Variants in SH3RF3 observed in about 807,000 individuals in gnomAD.
SH3RF3 encodes the protein SH3 domain containing ring finger 3.
A neutral mutation model predicts 66.3 loss-of-function variants in SH3RF3; 29 were observed. That is an observed-to-expected ratio of 0.44 (90% CI 0.33 to 0.60). SH3RF3 has a LOEUF of 0.60. SH3RF3 is among the 20% of genes least tolerant of loss of function. The pLI, the probability that SH3RF3 is intolerant of heterozygous loss-of-function variation, is 0.04. For missense variants in SH3RF3, 1,194 were observed against 1,190.9 expected (o/e 1.00, Z -0.04); for synonymous variants, 583 against 532.0 (o/e 1.10, Z -1.32).
chr2:109,194,532 G>GC (rs1678448928), intron 1 of SH3RF3, among the ~76,000 whole-genome samples: 1 of 152,256 alleles, frequency 6.6e-6, no homozygotes, highest in Non-Finnish European at 1.5e-5. Context: ...ATTTGCTCCA[G>GC]CAGCACTGAA....
At chr2:109,159,296 G>A (rs564680641) in intron 1 of SH3RF3, among the ~76,000 whole-genome samples, 1 of 152,300 alleles carries the variant, frequency 6.6e-6, no homozygotes, top group Admixed American at 6.5e-5. Flanking sequence ...TCTCAGGACC[G>A]CTGCTGTACC....
At chr2:109,275,239 C>T (rs1027302047) in intron 1 of SH3RF3, among the ~76,000 whole-genome samples, 7 of 152,186 alleles carry the variant, frequency 4.6e-5, no homozygotes, top group African/African-American at 1.2e-4. Context: ...GAGGCTGCCA[C>T]GTGAGACTGA....
intron 1 of SH3RF3, among the ~76,000 whole-genome samples, chr2:109,140,078 G>C (rs143335780): frequency 6.6e-6 from 1 of 152,170 alleles, no homozygotes; most frequent in Non-Finnish European, 1.5e-5. Flanking sequence ...ACAGGTCTGC[G>C]GAAGGCTTTC....
intron 1 of SH3RF3, among the ~76,000 whole-genome samples, chr2:109,319,333 G>A (rs913059846): frequency 1.3e-5 from 2 of 152,222 alleles, no homozygotes; most frequent in Admixed American, 1.3e-4. Context: ...AGCCAGTGCA[G>A]GTTAGTTGAC....
intron 8 of SH3RF3, among the ~76,000 whole-genome samples, chr2:109,452,396 C>T (rs945024383): frequency 2.0e-5 from 3 of 152,176 alleles, no homozygotes; most frequent in Non-Finnish European, 4.4e-5. Flanking sequence ...GCAGTATTCT[C>T]CAGTCTGTTT....
At chr2:109,326,261 C>T (rs1218796174) in intron 1 of SH3RF3, among the ~76,000 whole-genome samples, 2 of 152,162 alleles carry the variant, frequency 1.3e-5, no homozygotes, top group Non-Finnish European at 2.9e-5. Flanking sequence ...ATAGATGTCG[C>T]TCATTTGTTT....
chr2:109,298,427 G>T (rs1024730141), intron 1 of SH3RF3, among the ~76,000 whole-genome samples: 2 of 152,152 alleles, frequency 1.3e-5, no homozygotes, highest in Non-Finnish European at 2.9e-5. Context: ...ATGGTCTGTG[G>T]GTCATTGAAG....
intron 8 of SH3RF3, among the ~76,000 whole-genome samples, chr2:109,450,817 A>G (rs557887236): frequency 6.6e-6 from 1 of 152,314 alleles, no homozygotes; most frequent in East Asian, 1.9e-4. Flanking sequence ...TGCTGCCTGA[A>G]CGGTTTAGGG....
At chr2:109,384,492 G>T (rs745334969) in intron 3 of SH3RF3, among the ~76,000 whole-genome samples, 1 of 152,010 alleles carries the variant, frequency 6.6e-6, no homozygotes. Flanking sequence ...GCAGGCAGGT[G>T]GGAGGAGAGG....
chr2:109,432,695 TGGGCAAGGAGA>T (rs1209867652), intron 6 of SH3RF3, 24 bp downstream of exon 6: 1 of 1,601,848 alleles, frequency 6.2e-7, no homozygotes, highest in African/African-American at 1.3e-5. Flanking sequence ...GGTGGCAGCC[TGGGCAAGGAGA>T]GGGCAAGGGC....
rs1677744343 is a variant in SH3RF3 at position 109,170,301 on chromosome 2, TCTCTTCTCTTCTCTC to T, written c.573+40193_573+40207del. Among the ~76,000 whole-genome samples, 3 of 111,234 alleles carry T rather than the reference TCTCTTCTCTTCTCTC, an allele frequency of 2.7e-5. No homozygotes were observed. The East Asian group carries it at 9.2e-4, about 34-fold the overall frequency. The allele number at this position is 111,234 out of a possible 152,430, so 73.0% of individuals were successfully genotyped here. On this transcript the variant is annotated intron_variant, in intron 1 of 9. Coordinates refer to ENST00000309415, the MANE Select transcript of SH3RF3 (RefSeq NM_001099289.3). ...TCTCTTCTCTTCTCTTCTCTTCTCT[TCTCTTCTCTTCTCTC>T]CTCTCTCTCTCTCCTCTCTCTCTCT...
At chr2:109,298,215 G>A (rs917786892) in intron 1 of SH3RF3, among the ~76,000 whole-genome samples, 2 of 152,174 alleles carry the variant, frequency 1.3e-5, no homozygotes, top group African/African-American at 2.4e-5. Context: ...TGCAGAGAAG[G>A]GAAGGAGAGG....
chr2:109,243,290 G>A (rs1375985860), intron 1 of SH3RF3, among the ~76,000 whole-genome samples: 2 of 152,234 alleles, frequency 1.3e-5, no homozygotes, highest in Non-Finnish European at 2.9e-5. Flanking sequence ...GCCGTACACC[G>A]CATGGATCCT....
intron 4 of SH3RF3, among the ~76,000 whole-genome samples, chr2:109,412,815 T>C (rs1356972856): frequency 3.9e-5 from 6 of 152,248 alleles, no homozygotes; most frequent in Non-Finnish European, 7.3e-5. Context: ...AGCAAAGTTA[T>C]GGTTTGGTAT....
chr2:109,463,894 T>C (rs539210742), intron 8 of SH3RF3, among the ~76,000 whole-genome samples: 1 of 152,206 alleles, frequency 6.6e-6, no homozygotes, highest in African/African-American at 2.4e-5. Flanking sequence ...AGAGGTGGTA[T>C]AGACAGGGTA....
chr2:109,264,942 A>AT (rs980035440), intron 1 of SH3RF3, among the ~76,000 whole-genome samples: 2 of 152,130 alleles, frequency 1.3e-5, no homozygotes, highest in African/African-American at 4.8e-5. Context: ...GAAATGTAGG[A>AT]TTTTGTGGGT....
intron 5 of SH3RF3, among the ~76,000 whole-genome samples, chr2:109,428,522 C>A (rs1334409885): frequency 6.6e-6 from 1 of 152,226 alleles, no homozygotes; most frequent in East Asian, 1.9e-4. Flanking sequence ...CCCCTGGCCC[C>A]ATGCCTGACT....
intron 1 of SH3RF3, among the ~76,000 whole-genome samples, chr2:109,200,056 A>G (rs1678632513): frequency 6.6e-6 from 1 of 152,046 alleles, no homozygotes; most frequent in South Asian, 2.1e-4. Context: ...GAGAAATGTC[A>G]CCAGTGGCCA....
chr2:109,188,401 C>T (rs36125620), intron 1 of SH3RF3, among the ~76,000 whole-genome samples: 74,520 of 152,104 alleles, frequency 0.49, 19,334 homozygotes, highest in South Asian at 0.61. Context: ...TGCTGCTCAG[C>T]GGGGTCTGGG....
Sources: allele counts gnomAD v4.1 joint callset (sites outside exome capture counted in the v4.1 genomes callset), GRCh38; gene constraint gnomAD v4.1.1; transcripts MANE v1.5; gene names NCBI Gene and HGNC (gene_info 2026-07-23, HGNC 2026-07-21).